Variants in BBX observed in about 807,000 individuals in gnomAD.
BBX encodes BBX high mobility group box domain containing, also known as HMG box transcription factor BBX.
A neutral mutation model predicts 100.2 loss-of-function variants in BBX; 30 were observed. The ratio of observed to expected loss-of-function variants is 0.30; its 90% confidence interval spans 0.22 to 0.41. The LOEUF (loss-of-function observed/expected upper bound fraction) is 0.41. BBX is among the 10% of genes least tolerant of loss of function. The pLI, the probability that BBX is intolerant of heterozygous loss-of-function variation, is 1.00. For missense variants in BBX, 1,023 were observed against 1,129.8 expected (o/e 0.91, Z 1.35); for synonymous variants, 376 against 388.1 (o/e 0.97, Z 0.37).
chr3:107,764,139 C>G (rs1381988009), intron 10 of BBX, among the ~76,000 whole-genome samples: 1 of 152,110 alleles, frequency 6.6e-6, no homozygotes, highest in Admixed American at 6.5e-5. Context: ...ATTACAGGCG[C>G]CCGCCACCAT....
intron 2 of BBX, among the ~76,000 whole-genome samples, chr3:107,592,189 A>G (rs2053370185): frequency 6.6e-6 from 1 of 151,730 alleles, no homozygotes; most frequent in African/African-American, 2.4e-5. Flanking sequence ...TATTTTTCTT[A>G]ATGTTTTGGG....
chr3:107,742,621 G>A (rs868190671), intron 7 of BBX, among the ~76,000 whole-genome samples: 3 of 152,110 alleles, frequency 2.0e-5, no homozygotes, highest in Non-Finnish European at 4.4e-5. Context: ...CTCCTGGCCA[G>A]GTCACTGAGA....
chr3:107,621,496 AG>A (rs1411804298), intron 2 of BBX, among the ~76,000 whole-genome samples: 1 of 152,218 alleles, frequency 6.6e-6, no homozygotes, highest in African/African-American at 2.4e-5. Context: ...AATGTAGCAG[AG>A]AAAATAAAAA....
chr3:107,789,347 G>C (rs549737291), intron 13 of BBX, among the ~76,000 whole-genome samples: 1 of 152,124 alleles, frequency 6.6e-6, no homozygotes, highest in Non-Finnish European at 1.5e-5. Context: ...TAATGCTGTC[G>C]GGTCAACTGC....
chr3:107,689,442 C>T (rs568859686), intron 3 of BBX, among the ~76,000 whole-genome samples: 43 of 152,300 alleles, frequency 2.8e-4, no homozygotes, highest in Admixed American at 2.8e-3. Flanking sequence ...ACTTCTGCCT[C>T]AGAAAAATTA....
At chr3:107,655,891 G>C (rs974816745) in intron 3 of BBX, among the ~76,000 whole-genome samples, 1 of 151,872 alleles carries the variant, frequency 6.6e-6, no homozygotes, top group African/African-American at 2.4e-5. Context: ...TAGTGGAGAT[G>C]GGGTTTCACC....
intron 3 of BBX, among the ~76,000 whole-genome samples, chr3:107,677,154 C>A (rs1163572553): frequency 6.6e-6 from 1 of 152,004 alleles, no homozygotes; most frequent in African/African-American, 2.4e-5. Context: ...CATTGGTAAC[C>A]TGTACTAATA....
At chr3:107,598,027 G>A (rs987023781) in intron 2 of BBX, among the ~76,000 whole-genome samples, 5 of 152,150 alleles carry the variant, frequency 3.3e-5, no homozygotes, top group African/African-American at 1.2e-4. Context: ...AGTTTTAGGA[G>A]AGGGTACTTG....
intron 2 of BBX, among the ~76,000 whole-genome samples, chr3:107,612,806 G>A (rs945640641): frequency 2.6e-5 from 4 of 152,190 alleles, no homozygotes; most frequent in Non-Finnish European, 5.9e-5. Context: ...GTCAAGGCAG[G>A]CAGTCTTGTG....
chr3:107,680,697 A>C (rs1357154571), intron 3 of BBX, among the ~76,000 whole-genome samples: 1 of 152,166 alleles, frequency 6.6e-6, no homozygotes, highest in Non-Finnish European at 1.5e-5. Flanking sequence ...CGGTCCGTTA[A>C]GACATGCTGC....
At chr3:107,535,750 G>A (rs531572871) in intron 2 of BBX, among the ~76,000 whole-genome samples, 60 of 152,080 alleles carry the variant, frequency 3.9e-4, no homozygotes, top group Admixed American at 2.5e-3. Flanking sequence ...GGGTCACCAC[G>A]CCCGTCTACT....
intron 10 of BBX, among the ~76,000 whole-genome samples, chr3:107,770,540 A>G (rs564490393): frequency 1.3e-3 from 196 of 152,338 alleles, no homozygotes; most frequent in African/African-American, 4.6e-3. Context: ...ACATGCAGGG[A>G]ATATTAAAGG....
intron 13 of BBX, among the ~76,000 whole-genome samples, chr3:107,778,743 T>C (rs1382273574): frequency 1.3e-5 from 2 of 151,962 alleles, no homozygotes; most frequent in Non-Finnish European, 2.9e-5. Flanking sequence ...CCCGTGATGG[T>C]GTAGCTAAGC....
intron 2 of BBX, among the ~76,000 whole-genome samples, chr3:107,530,691 A>C (rs535073853): frequency 1.1e-3 from 161 of 152,324 alleles, no homozygotes; most frequent in African/African-American, 3.5e-3. Flanking sequence ...AAATTATTCA[A>C]AACAGCTGTA....
chr3:107,625,503 C>T (rs368665603), intron 2 of BBX, among the ~76,000 whole-genome samples: 6 of 152,160 alleles, frequency 3.9e-5, no homozygotes, highest in Admixed American at 1.3e-4. Flanking sequence ...AGGCTAGTCT[C>T]GAACTCCTGG....
chr3:107,627,900 TTTGA>T (rs1282155148), intron 2 of BBX, among the ~76,000 whole-genome samples: 2 of 152,080 alleles, frequency 1.3e-5, no homozygotes, highest in Non-Finnish European at 1.5e-5. Flanking sequence ...GAATGCCTGT[TTTGA>T]TTATGTTTTC....
intron 3 of BBX, among the ~76,000 whole-genome samples, chr3:107,666,791 C>CA (rs1397879313): frequency 6.6e-6 from 1 of 152,134 alleles, no homozygotes; most frequent in African/African-American, 2.4e-5. Context: ...GGGATGGTCT[C>CA]AATCTCTTGA....
intron 3 of BBX, among the ~76,000 whole-genome samples, chr3:107,688,200 G>C (rs890234545): frequency 9.2e-5 from 14 of 152,184 alleles, no homozygotes; most frequent in African/African-American, 3.1e-4. Context: ...TAAAGGCCCA[G>C]CCAGTTCTTC....
intron 13 of BBX, among the ~76,000 whole-genome samples, chr3:107,781,230 T>A (rs1176169193): frequency 1.3e-5 from 2 of 151,956 alleles, no homozygotes; most frequent in Admixed American, 6.6e-5. Flanking sequence ...TTCTAAGGAG[T>A]CTCTTCCTGT....
Sources: gnomAD v4.1 joint callset for allele counts (sites outside exome capture counted in the v4.1 genomes callset) on GRCh38, gnomAD v4.1.1 for gene constraint, MANE v1.5 for transcripts, NCBI Gene and HGNC (gene_info 2026-07-23, HGNC 2026-07-21) for gene names.